UBR3: variants seen among roughly 807,000 people sequenced by gnomAD.
The protein encoded by UBR3 is E3 ubiquitin-protein ligase UBR3.
In UBR3, 85 loss-of-function variants were observed where a neutral mutation model predicts 243.2. The ratio of observed to expected loss-of-function variants is 0.35; its 90% CI spans 0.29 to 0.42. The LOEUF (loss-of-function observed/expected upper bound fraction) is 0.42, where lower values mean the gene tolerates loss of function less well. Among genes scored for constraint, UBR3 ranks in the 10% least tolerant of loss-of-function variants. The pLI is 1.00. For missense variants in UBR3, 1,686 were observed against 2,300.8 expected (o/e 0.73, Z 5.47); for synonymous variants, 748 against 799.8 (o/e 0.94, Z 1.09).
intron 24 of UBR3, among the ~76,000 whole-genome samples, chr2:169,969,032 C>G (rs1005512220): frequency 6.6e-6 from 1 of 152,046 alleles, no homozygotes; most frequent in Non-Finnish European, 1.5e-5. Context: ...TGTCCATTTT[C>G]AAATTGGATT....
Position 169,872,381 on chromosome 2 carries a change from T to C in UBR3, c.685+6T>C, listed in dbSNP as rs1289880881. 1 of 1,447,192 alleles carries C rather than the reference T, an allele frequency of 6.9e-7. No individual in the cohort carries two copies. The highest frequency in any genetic ancestry group is 9.3e-7 in the Non-Finnish European group (1 of 1,072,622). The allele number at this position is 1,447,192 out of a possible 1,614,324, so 89.6% of individuals were successfully genotyped here. The stretch of plus-strand genomic sequence containing the variant: ...AGAAGGCTATAATGAACCAGGTATG[T>C]TTTAATCTACTTCTTGTTAGTACTC... On this transcript the variant is annotated splice_donor_region_variant and intron_variant, in intron 2 of 38. Transcript: ENST00000272793.
At chr2:169,892,171 G>T (rs577475843) in intron 6 of UBR3, among the ~76,000 whole-genome samples, 2 of 152,158 alleles carry the variant, frequency 1.3e-5, no homozygotes, top group Non-Finnish European at 2.9e-5. Flanking sequence ...GCTAGGAAAG[G>T]GTATGGAATT....
intron 27 of UBR3, among the ~76,000 whole-genome samples, chr2:170,001,902 G>A (rs2089712299): frequency 1.5e-5 from 1 of 68,378 alleles, no homozygotes. Flanking sequence ...AACAGAGAGA[G>A]ACTCCATCTC....
At chr2:170,076,808 A>G (rs930938142) in intron 36 of UBR3, among the ~76,000 whole-genome samples, 4 of 152,206 alleles carry the variant, frequency 2.6e-5, no homozygotes, top group South Asian at 2.1e-4. Flanking sequence ...CTTTGTTTCT[A>G]TAAGGCTGTA....
At chr2:169,828,976 A>G (rs941012604) in intron 1 of UBR3, among the ~76,000 whole-genome samples, 12 of 152,194 alleles carry the variant, frequency 7.9e-5, no homozygotes, top group African/African-American at 2.7e-4. Context: ...CATGATGTCA[A>G]TGTCAGGGAC....
chr2:169,940,989 TGTTA>T (rs1320288892), intron 19 of UBR3, among the ~76,000 whole-genome samples: 63 of 152,324 alleles, frequency 4.1e-4, no homozygotes, highest in African/African-American at 1.5e-3. Context: ...ACTACTCACT[TGTTA>T]GTTATTGACA....
intron 1 of UBR3, among the ~76,000 whole-genome samples, chr2:169,831,128 T>TATATATATATATATATATATA (rs1491457428): frequency 4.7e-4 from 17 of 36,396 alleles, no homozygotes; most frequent in East Asian, 3.0e-3. Context: ...TATATATATA[T>TATATATATATATATATATATA]TTTTTTTTTT....
chr2:169,992,467 A>G (rs1172865636), intron 25 of UBR3, among the ~76,000 whole-genome samples: 2 of 152,186 alleles, frequency 1.3e-5, no homozygotes, highest in African/African-American at 4.8e-5. Context: ...CAGTAGACCA[A>G]TATCCCTTAT....
At chr2:169,933,510 T>C (rs1274061614) in intron 19 of UBR3, among the ~76,000 whole-genome samples, 3 of 152,244 alleles carry the variant, frequency 2.0e-5, no homozygotes, top group Admixed American at 2.0e-4. Flanking sequence ...GAAAGATATC[T>C]TTTAAATGCA....
At chr2:169,989,408 A>G (rs1186874389) in intron 25 of UBR3, among the ~76,000 whole-genome samples, 1 of 152,138 alleles carries the variant, frequency 6.6e-6, no homozygotes, top group Non-Finnish European at 1.5e-5. Flanking sequence ...TTTTTTAAAG[A>G]AATTGGATCA....
rs1447398581 is a variant in UBR3, at chr2:169,927,006, C to A, written c.2338+35C>A. ...ACTGATACTAATACTTATGCATTAA[C>A]TGTTTTCCTCCCTTTCTCCCCCTCC... On this transcript the variant is annotated intron_variant, in intron 16 of 38. Transcript: ENST00000272793. 7 of 1,532,496 alleles carry A rather than the reference C, an allele frequency of 4.6e-6. No individual in the cohort carries two copies. The Admixed American group carries it at 1.2e-4, about 26-fold the overall frequency. The allele number at this position is 1,532,496 out of a possible 1,614,324, so 94.9% of individuals were successfully genotyped here. A position where few individuals can be genotyped will look rare whatever the true frequency, so the allele number is the denominator to read the frequency against.
chr2:170,076,697 C>T (rs770551065), intron 36 of UBR3, among the ~76,000 whole-genome samples: 6 of 152,180 alleles, frequency 3.9e-5, no homozygotes, highest in African/African-American at 9.7e-5. Flanking sequence ...TTTTACCATC[C>T]GTGATCCAGC....
At chr2:169,973,290 T>G (rs2088260599) in intron 24 of UBR3, among the ~76,000 whole-genome samples, 1 of 141,928 alleles carries the variant, frequency 7.0e-6, no homozygotes, top group Non-Finnish European at 1.5e-5. Context: ...GGAAGAACAT[T>G]CCATGCTCAT....
intron 35 of UBR3, among the ~76,000 whole-genome samples, chr2:170,068,824 A>G (rs914150510): frequency 2.0e-5 from 3 of 152,234 alleles, no homozygotes; most frequent in Non-Finnish European, 4.4e-5. Flanking sequence ...AAGAGAATAT[A>G]TAGATAACAT....
chr2:170,076,604 A>G (rs958625022), intron 36 of UBR3, among the ~76,000 whole-genome samples: 2 of 152,348 alleles, frequency 1.3e-5, no homozygotes, highest in East Asian at 3.9e-4. Flanking sequence ...AAATGTTGCA[A>G]AGATATATGA....
chr2:169,877,495 T>C lies in UBR3; in HGVS notation c.846T>C (p.Gly282=). 6.5e-7 allele frequency: 1 copy of C among 1,527,108 alleles called. No homozygotes were observed. The highest frequency in any genetic ancestry group is 8.8e-7 in the Non-Finnish European group (1 of 1,141,570). 94.6% of individuals were successfully genotyped at this position (1,527,108 alleles called of 1,614,324 possible). A position where few individuals can be genotyped will look rare whatever the true frequency, so the allele number is the denominator to read the frequency against. ...NQQNYKDLTS[G]LGENACVKKS... Reference sequence around the variant, plus strand: ...TGATTTGAAGTTTGTTTTAATTAGGTCTTGGAGAAAATGCTTGTGTAAAGA... The same window carrying C: ...TGATTTGAAGTTTGTTTTAATTAGGCCTTGGAGAAAATGCTTGTGTAAAGA... Residue 282 remains glycine (G), a splice_region_variant and synonymous_variant, in exon 4 of 39, where the codon GGT becomes GGC. Transcript: ENST00000272793.
At chr2:169,918,821 A>G (rs1414907264) in intron 11 of UBR3, among the ~76,000 whole-genome samples, 4 of 152,204 alleles carry the variant, frequency 2.6e-5, no homozygotes, top group Non-Finnish European at 4.4e-5. Context: ...GCATTCATCC[A>G]GCAAATATTT....
chr2:169,835,343 C>T lies in UBR3; in HGVS notation c.545+7291C>T, dbSNP rs191731731. ...GGGAATAGTCACTGCACTCCAGCCT[C>T]AGCAACATGAAGTGACCTCATCTCT... On this transcript the variant is annotated intron_variant, in intron 1 of 38. Transcript: ENST00000272793. Among the ~76,000 whole-genome samples the T allele has an allele frequency of 3.9e-5, 6 of 152,142 alleles. No homozygotes were observed. In the East Asian group the frequency reaches 1.2e-3, roughly 29 times the overall value.
intron 1 of UBR3, among the ~76,000 whole-genome samples, chr2:169,843,450 C>T (rs948239718): frequency 1.3e-5 from 2 of 152,198 alleles, no homozygotes; most frequent in Non-Finnish European, 2.9e-5. Context: ...ACTAATCCAT[C>T]TGAGAGGGCA....
Sources: gnomAD v4.1 joint callset for allele counts (sites outside exome capture counted in the v4.1 genomes callset) on GRCh38, gnomAD v4.1.1 for gene constraint, MANE v1.5 for transcripts, NCBI Gene and HGNC (gene_info 2026-07-23, HGNC 2026-07-21) for gene names.